FHIP2A: variants seen among roughly 807,000 people sequenced by gnomAD.
FHIP2A encodes the protein FHF complex subunit HOOK interacting protein 2A, also known as family with sequence similarity 160 member B1.
Under a neutral mutation model 93.5 loss-of-function variants are expected in FHIP2A, and 46 were observed. The observed-to-expected ratio is 0.49, with a 90% CI of 0.39 to 0.63. The LOEUF is 0.63. Among genes scored for constraint, FHIP2A ranks in the 20% least tolerant of loss-of-function variants. The pLI is 0.00. For missense variants in FHIP2A, 769 were observed against 909.7 expected, an observed-to-expected ratio of 0.85 and a Z score of 1.99; for synonymous variants, 332 against 326.5, an observed-to-expected ratio of 1.02 and a Z score of -0.18.
chr10:114,867,489 G>A (rs1307955993), downstream of FHIP2A, among the ~76,000 whole-genome samples: 1 of 152,144 alleles, frequency 6.6e-6, no homozygotes, highest in Non-Finnish European at 1.5e-5. Flanking sequence ...CTTTTAAAAT[G>A]ACCCAAAGAT....
rs1190933732 is a variant in FHIP2A, at chr10:114,862,738, T to A, written c.*1198T>A. 8 of 985,432 alleles carry A rather than the reference T, an allele frequency of 8.1e-6. No individual in the cohort carries two copies. The highest frequency in any genetic ancestry group is 9.6e-6 in the Non-Finnish European group (8 of 830,004). 61.0% of individuals were successfully genotyped at this position (985,432 alleles called of 1,614,324 possible). On this transcript the variant is annotated 3_prime_UTR_variant, in exon 17 of 17. Coordinates refer to ENST00000369248, the MANE Select transcript of FHIP2A (RefSeq NM_020940.4). ...CACTTTCTATTTTTCCTTTAAGTGA[T>A]GCTGATCACTCAAATAATGCTTTTA...
downstream of FHIP2A, among the ~76,000 whole-genome samples, chr10:114,869,649 T>C (rs992753010): frequency 3.9e-5 from 6 of 152,186 alleles, no homozygotes; most frequent in African/African-American, 1.4e-4. Flanking sequence ...TTCCATAAAA[T>C]GATCCAATGT....
At position 114,832,235 on chromosome 10, in the gene FHIP2A, A is replaced by T. The variant is rs1355671061; in HGVS notation, c.125-998A>T. On this transcript the variant is annotated intron_variant, in intron 2 of 16. Coordinates refer to ENST00000369248, the MANE Select transcript of FHIP2A (RefSeq NM_020940.4). ...TGTTAAAAAATATCACTAAATTTTT[A>T]TTTTATTATAAGAAATCAATAATAT... is the stretch of plus-strand genomic sequence containing the variant. Among the ~76,000 whole-genome samples the T allele has an allele frequency of 2.0e-5, 3 of 152,176 alleles. No individual in the cohort carries two copies. In the East Asian group the frequency reaches 5.8e-4, roughly 29 times the overall value.
intron 3 of FHIP2A, among the ~76,000 whole-genome samples, chr10:114,835,118 G>A (rs1481579462): frequency 2.5e-5 from 3 of 119,210 alleles, no homozygotes; most frequent in Admixed American, 2.4e-4. Context: ...TATATATGAT[G>A]GAAAGTTGAT....
intron 16 of FHIP2A, among the ~76,000 whole-genome samples, chr10:114,892,138 A>T (rs1018856965): frequency 2.0e-5 from 3 of 152,186 alleles, no homozygotes; most frequent in African/African-American, 7.2e-5. Flanking sequence ...GAACAGAAAA[A>T]ATATTGAGGC....
chr10:114,876,283 A>G (rs1429213362), intron 16 of FHIP2A, among the ~76,000 whole-genome samples: 1 of 152,174 alleles, frequency 6.6e-6, no homozygotes, highest in African/African-American at 2.4e-5. Flanking sequence ...GGTCCACGTC[A>G]TCTCTGGTCC....
intron 16 of FHIP2A, among the ~76,000 whole-genome samples, chr10:114,895,359 C>T (rs939147919): frequency 1.3e-5 from 2 of 152,158 alleles, no homozygotes; most frequent in South Asian, 2.1e-4. Flanking sequence ...GGACTATGCC[C>T]GCTTGCTCTA....
At chr10:114,828,647 A>G (rs1232111225) in intron 1 of FHIP2A, among the ~76,000 whole-genome samples, 1 of 152,220 alleles carries the variant, frequency 6.6e-6, no homozygotes, top group Non-Finnish European at 1.5e-5. Context: ...TAAACATTTT[A>G]GGAAGATGAT....
intron 16 of FHIP2A, among the ~76,000 whole-genome samples, chr10:114,894,505 G>A (rs932750910): frequency 6.6e-6 from 1 of 152,142 alleles, no homozygotes. Context: ...GGACGTCAAG[G>A]CTGCAGTGAG....
chr10:114,871,729 CCTCATTAATATATTT>C (rs1387239663), intron 16 of FHIP2A, among the ~76,000 whole-genome samples: 5 of 152,108 alleles, frequency 3.3e-5, no homozygotes, highest in Non-Finnish European at 7.4e-5. Flanking sequence ...CTGGTACGCC[CCTCATTAATATATTT>C]CTTAGTACCT....
intron 1 of FHIP2A, among the ~76,000 whole-genome samples, chr10:114,830,503 C>T (rs1423889942): frequency 6.6e-6 from 1 of 151,964 alleles, no homozygotes; most frequent in Non-Finnish European, 1.5e-5. Context: ...AACTCCTGAC[C>T]TCAAGTGATT....
chr10:114,877,599 T>C (rs1372715969), intron 16 of FHIP2A, among the ~76,000 whole-genome samples: 2 of 152,160 alleles, frequency 1.3e-5, no homozygotes, highest in African/African-American at 4.8e-5. Context: ...GGGGAATTTG[T>C]ATATTTTTAA....
intron 13 of FHIP2A, 100 bp from the exon 14 acceptor site, chr10:114,855,097 C>T: frequency 1.6e-6 from 2 of 1,252,042 alleles, no homozygotes; most frequent in South Asian, 2.9e-5. Flanking sequence ...AGACATTCTG[C>T]ATTCAAATGG....
chr10:114,890,573 A>G (rs112971347), intron 16 of FHIP2A, among the ~76,000 whole-genome samples: 13 of 148,184 alleles, frequency 8.8e-5, no homozygotes, highest in South Asian at 4.2e-4. Flanking sequence ...TGACATATAT[A>G]GTATATAAAA....
intron 2 of FHIP2A, among the ~76,000 whole-genome samples, chr10:114,832,746 C>G (rs1393008684): frequency 7.1e-6 from 1 of 141,624 alleles, no homozygotes; most frequent in East Asian, 2.1e-4. Context: ...GTGTCCCTCT[C>G]TGTCGCCCAG....
At position 114,846,348 on chromosome 10, in the gene FHIP2A, G is replaced by C; in HGVS notation, c.1379G>C (p.Cys460Ser). 1 of 1,613,906 alleles carries C rather than the reference G, an allele frequency of 6.2e-7. No homozygotes were observed. The highest frequency in any genetic ancestry group is 8.5e-7 in the Non-Finnish European group (1 of 1,179,850). ...TTAAGGCATAGGTTAATTGAACATT[G>C]TGATCACATATCTGATGAGGTAAGC... Reference protein sequence around the residue: ...HPLRHRLIEHCDHISDEISIM... With the variant: ...HPLRHRLIEHSDHISDEISIM... Residue 460 changes from cysteine to serine, a missense_variant, in exon 10 of 17, where the codon TGT becomes TCT. Transcript: ENST00000369248.
At chr10:114,850,027 T>C (rs2083725374) in intron 13 of FHIP2A, among the ~76,000 whole-genome samples, 2 of 152,246 alleles carry the variant, frequency 1.3e-5, no homozygotes, top group Admixed American at 1.3e-4. Flanking sequence ...AATGGACATT[T>C]GGGTTGTTTC....
At chr10:114,899,829 T>C in exon 17 of FHIP2A, 1 of 334,320 alleles carries the variant, frequency 3.0e-6, no homozygotes, top group Non-Finnish European at 5.4e-6. Context: ...TTTGGTTCAT[T>C]AAAGATGTAT....
intron 1 of FHIP2A, 133 bp from the exon 2 acceptor site, chr10:114,830,719 C>G: frequency 2.1e-6 from 1 of 478,630 alleles, no homozygotes; most frequent in African/African-American, 2.0e-5. Flanking sequence ...TCTTTAATAT[C>G]TGACATATAA....
Sources: gnomAD v4.1 joint callset for allele counts (sites outside exome capture counted in the v4.1 genomes callset) on GRCh38, gnomAD v4.1.1 for gene constraint, MANE v1.5 for transcripts, NCBI Gene and HGNC (gene_info 2026-07-23, HGNC 2026-07-21) for gene names.